CNTNAP2: variants seen among roughly 807,000 people sequenced by gnomAD.
The protein encoded by CNTNAP2 is contactin associated protein 2.
A neutral mutation model predicts 155.2 loss-of-function variants in CNTNAP2; 98 were observed. The ratio of observed to expected loss-of-function variants is 0.63; its 90% CI spans 0.54 to 0.75. The LOEUF (loss-of-function observed/expected upper bound fraction) is 0.75. Ranked by LOEUF, CNTNAP2 falls within the 30% of genes least tolerant of loss-of-function variation. The pLI is 0.00. For synonymous variants in CNTNAP2, 651 were observed against 631.2 expected (o/e 1.03, Z -0.47); for missense variants, 1,727 against 1,688.1 (o/e 1.02, Z -0.40).
intron 1 of CNTNAP2, among the ~76,000 whole-genome samples, chr7:146,669,398 A>G (rs1312610540): frequency 6.6e-6 from 1 of 152,194 alleles, no homozygotes; most frequent in Non-Finnish European, 1.5e-5. Context: ...TTGATAGCAG[A>G]TAAGGATTAA....
chr7:146,287,249 C>T (rs977747496), intron 1 of CNTNAP2, among the ~76,000 whole-genome samples: 4 of 152,134 alleles, frequency 2.6e-5, no homozygotes, highest in African/African-American at 9.7e-5. Context: ...CTGAAACTCA[C>T]GTGAGATCAA....
At chr7:147,361,811 C>CT (rs935963107) in intron 9 of CNTNAP2, among the ~76,000 whole-genome samples, 6 of 151,806 alleles carry the variant, frequency 4.0e-5, no homozygotes, top group African/African-American at 7.3e-5. Flanking sequence ...AGATAGTCAC[C>CT]TTTTTTATTT....
intron 1 of CNTNAP2, among the ~76,000 whole-genome samples, chr7:146,386,119 G>T (rs1488611445): frequency 6.6e-6 from 1 of 151,922 alleles, no homozygotes; most frequent in East Asian, 1.9e-4. Flanking sequence ...GTTTCTTCTG[G>T]TGTTTACTCT....
chr7:146,775,041 A>T (rs893620531), intron 2 of CNTNAP2, among the ~76,000 whole-genome samples: 2 of 152,334 alleles, frequency 1.3e-5, no homozygotes, highest in Non-Finnish European at 2.9e-5. Context: ...AACATCAGTG[A>T]ATGGCAACTT....
chr7:146,837,064 A>G lies in CNTNAP2; in HGVS notation c.209-2647A>G, dbSNP rs546814877. Among the ~76,000 whole-genome samples the G allele has an allele frequency of 5.3e-5, 8 of 152,172 alleles. 1 individual carries two copies. In the South Asian group the frequency reaches 1.7e-3, roughly 32 times the overall value. ...TGTGCCTTATTGTATTTTCCCTTGT[A>G]TATCTCCTGCCTGGAATTCAATAAA... On this transcript the variant is annotated intron_variant, in intron 2 of 23. Transcript: ENST00000361727.
chr7:148,346,773 T>TAAAAAA (rs71188973), intron 21 of CNTNAP2, among the ~76,000 whole-genome samples: 17 of 147,116 alleles, frequency 1.2e-4, no homozygotes, highest in African/African-American at 4.3e-4. Flanking sequence ...ACTCCATCTT[T>TAAAAAA]AAAAAAAAAA....
intron 1 of CNTNAP2, among the ~76,000 whole-genome samples, chr7:146,388,451 G>T (rs1795492317): frequency 6.6e-6 from 1 of 151,806 alleles, no homozygotes; most frequent in Non-Finnish European, 1.5e-5. Flanking sequence ...AATAATATTT[G>T]TGGGTATATA....
At chr7:147,991,670 A>G (rs941933967) in intron 15 of CNTNAP2, among the ~76,000 whole-genome samples, 2 of 152,212 alleles carry the variant, frequency 1.3e-5, no homozygotes, top group African/African-American at 4.8e-5. Context: ...TATATAACTC[A>G]TTGTTTAATC....
chr7:148,146,827 C>A (rs1420221375), intron 16 of CNTNAP2, among the ~76,000 whole-genome samples: 1 of 152,144 alleles, frequency 6.6e-6, no homozygotes, highest in Non-Finnish European at 1.5e-5. Flanking sequence ...CAATAGGTTA[C>A]CCTCATTACA....
chr7:148,035,725 C>A (rs1802561721), intron 15 of CNTNAP2, among the ~76,000 whole-genome samples: 1 of 152,152 alleles, frequency 6.6e-6, no homozygotes, highest in Non-Finnish European at 1.5e-5. Flanking sequence ...GTAGGGCAAA[C>A]CCCACAACCC....
At chr7:147,902,814 ATG>A (rs71183034) in intron 13 of CNTNAP2, among the ~76,000 whole-genome samples, 5,803 of 126,956 alleles carry the variant, frequency 0.046, 145 homozygotes, top group East Asian at 0.16. Context: ...GTGTGTGTGT[ATG>A]TGTGTGTGTG....
intron 10 of CNTNAP2, among the ~76,000 whole-genome samples, chr7:147,399,940 C>T (rs1796884043): frequency 6.6e-6 from 1 of 152,156 alleles, no homozygotes; most frequent in Non-Finnish European, 1.5e-5. Context: ...CATCAACCTT[C>T]AGTTTCCAAA....
intron 8 of CNTNAP2, chr7:147,146,752 G>T (rs911869422): frequency 6.6e-6 from 1 of 152,054 alleles, no homozygotes; most frequent in Non-Finnish European, 1.5e-5. Flanking sequence ...GGCTTTCATC[G>T]GAAACAATTA....
At chr7:147,238,589 C>A (rs1303069882) in intron 8 of CNTNAP2, among the ~76,000 whole-genome samples, 1 of 151,968 alleles carries the variant, frequency 6.6e-6, no homozygotes, top group African/African-American at 2.4e-5. Flanking sequence ...TTAGCCAACT[C>A]TCCTGCTTAA....
At chr7:147,569,627 T>A (rs1185554786) in intron 12 of CNTNAP2, among the ~76,000 whole-genome samples, 1 of 152,168 alleles carries the variant, frequency 6.6e-6, no homozygotes, top group Non-Finnish European at 1.5e-5. Flanking sequence ...ACAGCCCAGG[T>A]GTGTAATGGG....
chr7:147,346,449 C>T (rs930381300), intron 9 of CNTNAP2, among the ~76,000 whole-genome samples: 4 of 152,078 alleles, frequency 2.6e-5, no homozygotes, highest in Non-Finnish European at 4.4e-5. Flanking sequence ...CCACCGCGCC[C>T]GGCCCATAAT....
chr7:148,209,753 C>T (rs980929900), intron 18 of CNTNAP2, among the ~76,000 whole-genome samples: 2 of 152,176 alleles, frequency 1.3e-5, no homozygotes, highest in African/African-American at 4.8e-5. Context: ...GTCACCTTTG[C>T]TTAAAACCTT....
At chr7:146,946,953 T>A (rs1797189714) in intron 3 of CNTNAP2, among the ~76,000 whole-genome samples, 1 of 152,216 alleles carries the variant, frequency 6.6e-6, no homozygotes, top group Non-Finnish European at 1.5e-5. Flanking sequence ...ATATTTTTGT[T>A]CCTGTAGATT....
chr7:146,495,740 T>G (rs553880007), intron 1 of CNTNAP2, among the ~76,000 whole-genome samples: 1 of 152,234 alleles, frequency 6.6e-6, no homozygotes, highest in South Asian at 2.1e-4. Flanking sequence ...AAGAATATGC[T>G]TGTGCAGAAG....
Sources: allele counts gnomAD v4.1 joint callset (sites outside exome capture counted in the v4.1 genomes callset), GRCh38; gene constraint gnomAD v4.1.1; transcripts MANE v1.5; gene names NCBI Gene and HGNC (gene_info 2026-07-23, HGNC 2026-07-21).